The following SHROOM3 variants were observed in gnomAD, a reference collection of about 807,000 sequenced individuals.
SHROOM3 encodes shroom family member 3.
Under a neutral mutation model 138.6 loss-of-function variants are expected in SHROOM3, and 47 were observed. That is an observed-to-expected ratio of 0.34 (90% CI 0.27 to 0.43). The LOEUF is 0.43. Ranked by LOEUF, SHROOM3 falls within the 20% of genes least tolerant of loss-of-function variation. The probability of loss-of-function intolerance (pLI) is 1.00; values close to 1 mark genes in which losing one functional copy is unlikely to be tolerated. For synonymous variants in SHROOM3, 1,062 were observed against 1,063.3 expected, an observed-to-expected ratio of 1.00 and a Z score of 0.02; for missense variants, 2,491 against 2,596.5, an observed-to-expected ratio of 0.96 and a Z score of 0.88.
chr4:76,638,390 C>CA (rs147441383), intron 2 of SHROOM3, among the ~76,000 whole-genome samples: 3,827 of 148,438 alleles, frequency 0.026, 152 homozygotes, highest in African/African-American at 0.081. Context: ...CCTGTTTCAA[C>CA]AAAAAAAAAA....
At chr4:76,601,276 C>T (rs542494302) in intron 2 of SHROOM3, among the ~76,000 whole-genome samples, 60 of 152,066 alleles carry the variant, frequency 3.9e-4, no homozygotes, top group Non-Finnish European at 6.0e-4. Flanking sequence ...GGGAGGGGGT[C>T]GTGCTACTGG....
At chr4:76,637,953 G>T (rs1438363287) in intron 2 of SHROOM3, among the ~76,000 whole-genome samples, 2 of 152,142 alleles carry the variant, frequency 1.3e-5, no homozygotes. Flanking sequence ...TGTGCTGAGT[G>T]GCATCTTGGT....
intron 1 of SHROOM3, among the ~76,000 whole-genome samples, chr4:76,549,965 G>A (rs1733313925): frequency 6.6e-6 from 1 of 152,140 alleles, no homozygotes; most frequent in South Asian, 2.1e-4. Context: ...AGGAATCCTG[G>A]CACCAAGCAA....
chr4:76,621,847 T>C (rs920375460), intron 2 of SHROOM3, among the ~76,000 whole-genome samples: 5 of 150,998 alleles, frequency 3.3e-5, no homozygotes, highest in African/African-American at 9.7e-5. Context: ...TTTTTTTTTT[T>C]GAGACAGAGT....
chr4:76,591,916 C>T (rs1734281199), intron 2 of SHROOM3, among the ~76,000 whole-genome samples: 1 of 152,174 alleles, frequency 6.6e-6, no homozygotes, highest in South Asian at 2.1e-4. Flanking sequence ...TTCTGGCACA[C>T]AGTCTAGTCA....
intron 2 of SHROOM3, among the ~76,000 whole-genome samples, chr4:76,557,226 TACACACACACACACACAC>T (rs35294663): frequency 1.4e-5 from 2 of 141,920 alleles, no homozygotes; most frequent in African/African-American, 2.7e-5. Flanking sequence ...TGTTTATGTA[TACACACACACACACACAC>T]ACACACACAC....
intron 2 of SHROOM3, among the ~76,000 whole-genome samples, chr4:76,613,625 AC>A (rs1323810780): frequency 6.6e-6 from 1 of 152,196 alleles, no homozygotes; most frequent in East Asian, 1.9e-4. Flanking sequence ...GATGGAAGTC[AC>A]CCATTCAAAC....
chr4:76,673,403 T>A (rs1208553722), intron 2 of SHROOM3, among the ~76,000 whole-genome samples: 1 of 151,898 alleles, frequency 6.6e-6, no homozygotes, highest in East Asian at 1.9e-4. Context: ...AAAGAAAGAT[T>A]TTTTTTTTCT....
At chr4:76,448,510 C>A (rs1403218753) in intron 1 of SHROOM3, among the ~76,000 whole-genome samples, 3 of 152,134 alleles carry the variant, frequency 2.0e-5, no homozygotes, top group Non-Finnish European at 2.9e-5. Context: ...GGAGTTGGTA[C>A]GTAAGCAGCT....
chr4:76,711,639 G>A (rs1345148281), intron 3 of SHROOM3, among the ~76,000 whole-genome samples: 1 of 152,156 alleles, frequency 6.6e-6, no homozygotes, highest in Non-Finnish European at 1.5e-5. Flanking sequence ...GCTACAGTGA[G>A]CCATGATTGA....
In SHROOM3 at chr4:76,779,142, A is replaced by G; in HGVS notation, c.5956A>G (p.Ser1986Gly). 1 of 1,613,616 alleles carries G rather than the reference A, an allele frequency of 6.2e-7. No individual in the cohort carries two copies. The highest frequency in any genetic ancestry group is 1.6e-4 in the Middle Eastern group (1 of 6,062). Residue 1986 changes from serine to glycine, a missense_variant, in exon 11 of 11, where the codon AGT becomes GGT. Transcript: ENST00000296043. The part of the protein sequence containing the change: ...EPIPAGGCTF[S>G]GIFPTLTSPL ...CATTCCTGCTGGGGGCTGTACTTTC[A>G]GTGGTATTTTCCCAACATTAACCTC...
chr4:76,525,589 G>A (rs548238477), intron 1 of SHROOM3, among the ~76,000 whole-genome samples: 71 of 152,114 alleles, frequency 4.7e-4, no homozygotes, highest in Non-Finnish European at 8.2e-4. Context: ...ATCATTTCAT[G>A]CACTTATTTA....
At chr4:76,667,548 A>T (rs1424516389) in intron 2 of SHROOM3, among the ~76,000 whole-genome samples, 3 of 152,062 alleles carry the variant, frequency 2.0e-5, no homozygotes, top group Non-Finnish European at 4.4e-5. Context: ...TCATGGGCTC[A>T]AGCAATCCTT....
chr4:76,522,051 A>G (rs1732577143), intron 1 of SHROOM3, among the ~76,000 whole-genome samples: 1 of 152,022 alleles, frequency 6.6e-6, no homozygotes, highest in African/African-American at 2.4e-5. Context: ...ACTCTTTTAA[A>G]ATGTCAATGT....
chr4:76,577,814 A>G (rs1048071030), intron 2 of SHROOM3, among the ~76,000 whole-genome samples: 12 of 152,212 alleles, frequency 7.9e-5, no homozygotes, highest in African/African-American at 2.7e-4. Context: ...ATCTTTAAAC[A>G]TCAAATTCTG....
At chr4:76,695,361 T>C (rs980863484) in intron 2 of SHROOM3, among the ~76,000 whole-genome samples, 3 of 152,198 alleles carry the variant, frequency 2.0e-5, no homozygotes, top group Middle Eastern at 3.2e-3. Context: ...ACCTATGCTT[T>C]GTGAGGTCTA....
At chr4:76,453,454 A>AT (rs890699785) in intron 1 of SHROOM3, among the ~76,000 whole-genome samples, 6 of 150,818 alleles carry the variant, frequency 4.0e-5, no homozygotes, top group African/African-American at 1.5e-4. Context: ...ATTTTTTTTC[A>AT]TTTTTTGTAG....
chr4:76,731,078 C>T, intron 4 of SHROOM3, 143 bp downstream of exon 4: 12 of 1,128,132 alleles, frequency 1.1e-5, no homozygotes, highest in Non-Finnish European at 1.6e-5. Flanking sequence ...CTTTTCTCAT[C>T]CTCTTATAGT....
chr4:76,501,947 C>T (rs11727191), intron 1 of SHROOM3, among the ~76,000 whole-genome samples: 1,769 of 152,248 alleles, frequency 0.012, 14 homozygotes, highest in Non-Finnish European at 0.019. Context: ...GAATGTTTAT[C>T]CCCTCCAAGC....
Sources: allele counts gnomAD v4.1 joint callset (sites outside exome capture counted in the v4.1 genomes callset), GRCh38; gene constraint gnomAD v4.1.1; transcripts MANE v1.5; gene names NCBI Gene and HGNC (gene_info 2026-07-23, HGNC 2026-07-21).